KCND3: variants seen among roughly 807,000 people sequenced by gnomAD.
The protein encoded by KCND3 is A-type voltage-gated potassium channel KCND3.
KCND3 carries 9 observed loss-of-function variants against 51.1 expected under a neutral mutation model. The observed-to-expected ratio is 0.18, with a 90% CI of 0.11 to 0.31. The LOEUF is 0.31. KCND3 is among the 10% of genes least tolerant of loss of function. KCND3 has a pLI of 1.00. For synonymous variants in KCND3, 349 were observed against 368.0 expected (o/e 0.95, Z 0.59); for missense variants, 526 against 903.8 (o/e 0.58, Z 5.36).
At chr1:111,810,588 C>A (rs1006250714) in intron 2 of KCND3, among the ~76,000 whole-genome samples, 3 of 152,176 alleles carry the variant, frequency 2.0e-5, no homozygotes, top group African/African-American at 7.2e-5. Context: ...ATTAGCTGAG[C>A]CCAGGGAGGT....
chr1:111,796,941 C>T (rs953858408), intron 2 of KCND3, among the ~76,000 whole-genome samples: 2 of 152,188 alleles, frequency 1.3e-5, no homozygotes, highest in African/African-American at 2.4e-5. Context: ...GCGGCAGGCT[C>T]CTGGCCAAGA....
At chr1:111,930,902 AG>A (rs1571865213) in intron 2 of KCND3, among the ~76,000 whole-genome samples, 1 of 152,226 alleles carries the variant, frequency 6.6e-6, no homozygotes, top group Non-Finnish European at 1.5e-5. Context: ...CAGGTGAAAA[AG>A]GTTGCGATGC....
At chr1:111,945,108 G>A (rs1046865409) in intron 2 of KCND3, among the ~76,000 whole-genome samples, 12 of 152,154 alleles carry the variant, frequency 7.9e-5, no homozygotes, top group African/African-American at 2.2e-4. Context: ...CCCCACCCAC[G>A]GACACACTGG....
intron 2 of KCND3, among the ~76,000 whole-genome samples, chr1:111,833,734 C>A (rs1489603420): frequency 1.3e-5 from 2 of 152,180 alleles, no homozygotes; most frequent in African/African-American, 4.8e-5. Context: ...ATTTCTTAAT[C>A]TCCGGGGGTA....
chr1:111,835,384 C>T (rs1667024526), intron 2 of KCND3, among the ~76,000 whole-genome samples: 1 of 152,318 alleles, frequency 6.6e-6, no homozygotes, highest in African/African-American at 2.4e-5. Flanking sequence ...GCAAGTCCAT[C>T]TTTAACAGGG....
chr1:111,911,943 G>C (rs534122070), intron 2 of KCND3, among the ~76,000 whole-genome samples: 1 of 152,312 alleles, frequency 6.6e-6, no homozygotes, highest in East Asian at 1.9e-4. Context: ...AGCCAAAACA[G>C]AGCCCAGAAT....
chr1:111,797,603 T>A (rs1665112363), intron 2 of KCND3, among the ~76,000 whole-genome samples: 1 of 152,134 alleles, frequency 6.6e-6, no homozygotes, highest in Non-Finnish European at 1.5e-5. Context: ...ACAAGAAGGA[T>A]GTATGCAGGG....
At chr1:111,794,031 C>T (rs771912811) in intron 2 of KCND3, among the ~76,000 whole-genome samples, 24 of 141,332 alleles carry the variant, frequency 1.7e-4, no homozygotes, top group Non-Finnish European at 1.8e-4. Context: ...ACACTCAAAC[C>T]CTATCTGGGG....
rs1664311548 is a variant in KCND3 at position 111,780,205 on chromosome 1, G to A, written c.1461+20C>T. 1 of 1,567,898 alleles carries A rather than the reference G, an allele frequency of 6.4e-7. No homozygotes were observed. The highest frequency in any genetic ancestry group is 8.7e-7 in the Non-Finnish European group (1 of 1,155,104). ...TCAGGGTCAGCGATGAAAAGGAGGT[G>A]GCAAAGGGCTGGGACTCACAGTGGT... On this transcript the variant is annotated intron_variant, in intron 5 of 7. Transcript: ENST00000302127. The surrounding 1 kb of genome is among the most constrained non-coding windows in gnomAD (Gnocchi z 4.2).
chr1:111,935,426 G>C (rs1469314743), intron 2 of KCND3, among the ~76,000 whole-genome samples: 1 of 152,126 alleles, frequency 6.6e-6, no homozygotes, highest in African/African-American at 2.4e-5. Context: ...CATTTACATG[G>C]AGAGAGAGCT....
rs779723268 is a variant in KCND3, at chr1:111,777,022, C to G, written c.1766+4G>C. 4 of 1,613,154 alleles carry G rather than the reference C, an allele frequency of 2.5e-6. No individual in the cohort carries two copies. Among genetic ancestry groups the G allele is most frequent in the Non-Finnish European group, 2.5e-6 (3 of 1,179,858 alleles). ...TTGCGGGTGATGGGATGGAAGCCAC[C>G]CACCTGGTTGTGAGGGAGGGCTGCT... On this transcript the variant is annotated splice_donor_region_variant and intron_variant, in intron 7 of 7. Coordinates refer to ENST00000302127, the MANE Select transcript of KCND3 (RefSeq NM_001378969.1).
chr1:111,863,815 G>A (rs1668437534), intron 2 of KCND3, among the ~76,000 whole-genome samples: 1 of 152,226 alleles, frequency 6.6e-6, no homozygotes, highest in Admixed American at 6.5e-5. Context: ...GCAGGATGCA[G>A]GGAGACCAGC....
chr1:111,874,642 A>G (rs1668968607), intron 2 of KCND3, among the ~76,000 whole-genome samples: 1 of 152,124 alleles, frequency 6.6e-6, no homozygotes, highest in Admixed American at 6.5e-5. Context: ...TCTAAGATGA[A>G]CTCTGCATTT....
At chr1:111,963,483 T>C (rs1673785190) in intron 2 of KCND3, among the ~76,000 whole-genome samples, 1 of 152,246 alleles carries the variant, frequency 6.6e-6, no homozygotes, top group East Asian at 1.9e-4. Context: ...GTGGGGATGA[T>C]AGTAATGCCT....
At chr1:111,845,778 G>T (rs993784139) in intron 2 of KCND3, among the ~76,000 whole-genome samples, 1 of 152,326 alleles carries the variant, frequency 6.6e-6, no homozygotes, top group Admixed American at 6.5e-5. Flanking sequence ...GAACTAGTAA[G>T]TGGCCAGCCT....
At chr1:111,843,567 C>CA (rs1477860564) in intron 2 of KCND3, among the ~76,000 whole-genome samples, 1 of 152,174 alleles carries the variant, frequency 6.6e-6, no homozygotes, top group Non-Finnish European at 1.5e-5. Context: ...CCTGGGTGGA[C>CA]ATCTTGCTTT....
At chr1:111,888,001 C>T (rs1281498363) in intron 2 of KCND3, among the ~76,000 whole-genome samples, 3 of 152,270 alleles carry the variant, frequency 2.0e-5, no homozygotes, top group Non-Finnish European at 4.4e-5. Flanking sequence ...CACAAGCCAA[C>T]ACAGTGGACC....
At chr1:111,881,629 T>C (rs557797647) in intron 2 of KCND3, among the ~76,000 whole-genome samples, 30 of 152,314 alleles carry the variant, frequency 2.0e-4, no homozygotes, top group African/African-American at 5.1e-4. Flanking sequence ...CATGACATCA[T>C]GGGAGTCCGG....
chr1:111,972,193 G>C (rs1420906028), intron 2 of KCND3, among the ~76,000 whole-genome samples: 2 of 97,834 alleles, frequency 2.0e-5, no homozygotes, highest in Non-Finnish European at 3.8e-5. Flanking sequence ...TTTTTTTTGA[G>C]ACGGAGTCTC....
Sources: gnomAD v4.1 joint callset for allele counts (sites outside exome capture counted in the v4.1 genomes callset) on GRCh38, gnomAD v4.1.1 for gene constraint, Gnocchi (gnomAD v3.1) non-coding constraint, MANE v1.5 for transcripts, NCBI Gene and HGNC (gene_info 2026-07-23, HGNC 2026-07-21) for gene names.